The following PDSS2 variants were observed in gnomAD, a reference collection of about 807,000 sequenced individuals.
The protein encoded by PDSS2 is all trans-polyprenyl-diphosphate synthase PDSS2.
Under a neutral mutation model 44.5 loss-of-function variants are expected in PDSS2, and 31 were observed. The observed-to-expected ratio is 0.70, with a 90% CI of 0.52 to 0.94. The LOEUF (loss-of-function observed/expected upper bound fraction) is 0.94, where lower values mean the gene tolerates loss of function less well. PDSS2 is among the 40% of genes least tolerant of loss of function. The pLI is 0.00. For missense variants in PDSS2, 452 were observed against 482.2 expected (o/e 0.94, Z 0.59); for synonymous variants, 157 against 180.3 (o/e 0.87, Z 1.03).
chr6:107,261,572 TTCTTTC>T, intron 3 of PDSS2, among the ~76,000 whole-genome samples: 1 of 96,724 alleles, frequency 1.0e-5, no homozygotes, highest in Non-Finnish European at 2.6e-5. Context: ...GGTATTTCTT[TTCTTTC>T]TTTTTTTTTT....
At chr6:107,381,440 C>T (rs904801963) in intron 1 of PDSS2, among the ~76,000 whole-genome samples, 1 of 152,178 alleles carries the variant, frequency 6.6e-6, no homozygotes, top group African/African-American at 2.4e-5. Context: ...TTTTAAACCT[C>T]ATTCATAGCT....
At chr6:107,278,802 T>G (rs1047415534) in intron 2 of PDSS2, among the ~76,000 whole-genome samples, 1 of 152,184 alleles carries the variant, frequency 6.6e-6, no homozygotes, top group Admixed American at 6.5e-5. Context: ...TAAAAAAACC[T>G]TTCATTTATA....
intron 6 of PDSS2, among the ~76,000 whole-genome samples, chr6:107,200,178 T>C (rs1772720444): frequency 6.6e-6 from 1 of 152,198 alleles, no homozygotes; most frequent in African/African-American, 2.4e-5. Flanking sequence ...GTCTACTGAT[T>C]ACAGCAAAAG....
intron 1 of PDSS2, among the ~76,000 whole-genome samples, chr6:107,365,221 T>C (rs1778927055): frequency 1.3e-5 from 2 of 152,078 alleles, no homozygotes; most frequent in African/African-American, 4.8e-5. Context: ...TATTTAACAA[T>C]AGTAACACAA....
intron 6 of PDSS2, among the ~76,000 whole-genome samples, chr6:107,205,787 C>A (rs1772952532): frequency 6.6e-6 from 1 of 152,126 alleles, no homozygotes. Context: ...GAGAAAGGAG[C>A]TGCTGGAGAA....
intron 6 of PDSS2, among the ~76,000 whole-genome samples, chr6:107,204,365 A>C (rs943260354): frequency 5.9e-5 from 9 of 152,118 alleles, no homozygotes; most frequent in Non-Finnish European, 1.3e-4. Flanking sequence ...TTATCAGTTG[A>C]TAGACACTGG....
At chr6:107,205,804 GC>G in intron 6 of PDSS2, among the ~76,000 whole-genome samples, 1 of 152,224 alleles carries the variant, frequency 6.6e-6, no homozygotes, top group Non-Finnish European at 1.5e-5. Flanking sequence ...AGAAGAGGTG[GC>G]ACAGCCTGAT....
chr6:107,206,864 C>G (rs1332372395), intron 6 of PDSS2, among the ~76,000 whole-genome samples: 1 of 152,116 alleles, frequency 6.6e-6, no homozygotes, highest in Non-Finnish European at 1.5e-5. Context: ...CAAAACCGGG[C>G]TGCCACCAAA....
chr6:107,277,522 G>A (rs1462025640), intron 2 of PDSS2, among the ~76,000 whole-genome samples: 1 of 152,172 alleles, frequency 6.6e-6, no homozygotes, highest in African/African-American at 2.4e-5. Context: ...GATTCCAAAG[G>A]TGATACATAG....
At chr6:107,225,166 T>TATATATATA (rs1773771631) in intron 4 of PDSS2, among the ~76,000 whole-genome samples, 1 of 38,810 alleles carries the variant, frequency 2.6e-5, no homozygotes, top group African/African-American at 1.4e-4. Flanking sequence ...TATATATTTT[T>TATATATATA]TTTTTTTTTT....
At chr6:107,235,767 G>T (rs545758676) in intron 4 of PDSS2, among the ~76,000 whole-genome samples, 21 of 152,266 alleles carry the variant, frequency 1.4e-4, no homozygotes, top group Admixed American at 2.6e-4. Context: ...ATAATTAGTA[G>T]ACAGGGATAT....
chr6:107,408,616 T>C (rs570987505), intron 1 of PDSS2, among the ~76,000 whole-genome samples: 2 of 152,168 alleles, frequency 1.3e-5, no homozygotes, highest in Non-Finnish European at 2.9e-5. Flanking sequence ...AATGAAGCAA[T>C]AGGAACAAAT....
At chr6:107,214,844 C>G (rs1048095344) in intron 4 of PDSS2, among the ~76,000 whole-genome samples, 2 of 152,166 alleles carry the variant, frequency 1.3e-5, no homozygotes, top group Non-Finnish European at 2.9e-5. Context: ...TCTCAAACTC[C>G]TGAGCTCAAG....
At chr6:107,304,397 C>T (rs533476475) in intron 2 of PDSS2, among the ~76,000 whole-genome samples, 22 of 152,318 alleles carry the variant, frequency 1.4e-4, no homozygotes, top group African/African-American at 4.3e-4. Context: ...ATATACGTAA[C>T]GCTTTTCTTT....
chr6:107,349,146 A>C (rs1016145851), intron 1 of PDSS2, among the ~76,000 whole-genome samples: 1 of 152,190 alleles, frequency 6.6e-6, no homozygotes, highest in Non-Finnish European at 1.5e-5. Context: ...ATAAATTACA[A>C]ATAAGGCCGG....
intron 4 of PDSS2, among the ~76,000 whole-genome samples, chr6:107,226,883 G>A (rs1203306751): frequency 1.3e-5 from 2 of 151,898 alleles, no homozygotes; most frequent in Admixed American, 6.6e-5. Flanking sequence ...ATGTTGGTCA[G>A]GCTGGTCTTG....
At chr6:107,440,318 G>A (rs893038142) in intron 1 of PDSS2, among the ~76,000 whole-genome samples, 1 of 152,212 alleles carries the variant, frequency 6.6e-6, no homozygotes, top group Non-Finnish European at 1.5e-5. Flanking sequence ...TAGTGCCACT[G>A]ATGAATAAAA....
intron 1 of PDSS2, among the ~76,000 whole-genome samples, chr6:107,367,395 T>A (rs891500474): frequency 1.3e-5 from 2 of 152,010 alleles, no homozygotes; most frequent in Non-Finnish European, 2.9e-5. Flanking sequence ...TAACATAAAA[T>A]GAAAGACTGA....
intron 3 of PDSS2, among the ~76,000 whole-genome samples, chr6:107,259,883 T>C (rs568386062): frequency 2.0e-5 from 3 of 152,288 alleles, no homozygotes; most frequent in African/African-American, 7.2e-5. Flanking sequence ...AAACTGTTAT[T>C]AGTAAACAGT....
Sources: gnomAD v4.1 joint callset for allele counts (sites outside exome capture counted in the v4.1 genomes callset) on GRCh38, gnomAD v4.1.1 for gene constraint, MANE v1.5 for transcripts, NCBI Gene and HGNC (gene_info 2026-07-23, HGNC 2026-07-21) for gene names.